Variants in FSD1L observed in about 807,000 individuals in gnomAD.
FSD1L encodes FSD1-like protein.
A neutral mutation model predicts 71.6 loss-of-function variants in FSD1L; 45 were observed. The ratio of observed to expected loss-of-function variants is 0.63; its 90% CI spans 0.49 to 0.81. The LOEUF (loss-of-function observed/expected upper bound fraction) is 0.81. Ranked by LOEUF, FSD1L falls within the 30% of genes least tolerant of loss-of-function variation. FSD1L has a pLI of 0.00. For missense variants in FSD1L, 561 were observed against 618.1 expected (o/e 0.91, Z 0.98); for synonymous variants, 197 against 207.2 (o/e 0.95, Z 0.42).
chr9:105,496,846 C>T (rs1833442052), intron 7 of FSD1L, among the ~76,000 whole-genome samples: 2 of 152,110 alleles, frequency 1.3e-5, no homozygotes, highest in South Asian at 4.1e-4. Flanking sequence ...TTCTTTCTTC[C>T]CAACCTGAAT....
At chr9:105,500,723 C>T (rs1833711886) in intron 7 of FSD1L, 1 of 152,128 alleles carries the variant, frequency 6.6e-6, no homozygotes, top group Non-Finnish European at 1.5e-5. Context: ...GACTGGGTCT[C>T]CTTGGAGCTG....
chr9:105,496,962 G>T (rs1293416350), intron 7 of FSD1L, among the ~76,000 whole-genome samples: 1 of 152,162 alleles, frequency 6.6e-6, no homozygotes, highest in African/African-American at 2.4e-5. Context: ...GAAACATTTT[G>T]AGTTTCTCTC....
intron 13 of FSD1L, among the ~76,000 whole-genome samples, chr9:105,545,642 G>A (rs921125083): frequency 2.0e-5 from 3 of 151,910 alleles, no homozygotes; most frequent in South Asian, 2.1e-4. Flanking sequence ...AAGGGCTGTC[G>A]AATTTTGGTA....
intron 3 of FSD1L, 144 bp downstream of exon 3, chr9:105,464,475 T>C (rs1830925398): frequency 4.2e-6 from 2 of 473,714 alleles, no homozygotes; most frequent in South Asian, 4.3e-5. Context: ...AAAAATGTTT[T>C]CATTGCAATT....
intron 8 of FSD1L, among the ~76,000 whole-genome samples, chr9:105,508,341 C>G (rs1309344972): frequency 6.6e-6 from 1 of 151,944 alleles, no homozygotes. Flanking sequence ...CCACGCCTGG[C>G]TAATTTTTTG....
At chr9:105,476,006 T>C (rs1433875957) in intron 5 of FSD1L, among the ~76,000 whole-genome samples, 1 of 152,112 alleles carries the variant, frequency 6.6e-6, no homozygotes, top group Non-Finnish European at 1.5e-5. Context: ...GAAATGATGA[T>C]ATTAAAAAAA....
chr9:105,491,374 C>T lies in FSD1L; in HGVS notation c.586+6872C>T, dbSNP rs1294263992. On this transcript the variant is annotated intron_variant, in intron 7 of 13. Transcript: ENST00000481272. Reference sequence around the variant, plus strand: ...GTATCCTGAGACTTTGCTGAAGGTGCTTATCAGCTTAAGGAGATTTTGGGC... The same window carrying T: ...GTATCCTGAGACTTTGCTGAAGGTGTTTATCAGCTTAAGGAGATTTTGGGC... Among the ~76,000 whole-genome samples, 6 of 151,970 alleles carry T rather than the reference C, an allele frequency of 3.9e-5. No individual in the cohort carries two copies. The East Asian group carries it at 1.2e-3, about 29-fold the overall frequency.
chr9:105,443,552 T>C (rs1025419129), upstream of FSD1L, among the ~76,000 whole-genome samples: 5 of 152,152 alleles, frequency 3.3e-5, no homozygotes, highest in African/African-American at 1.2e-4. Context: ...CTGTCTATAA[T>C]GAGTGCCCAG....
intron 10 of FSD1L, chr9:105,525,201 A>T: frequency 1.2e-6 from 2 of 1,602,916 alleles, no homozygotes; most frequent in Non-Finnish European, 1.7e-6. Context: ...TGCTTAGAAG[A>T]TATAACCGTA....
At chr9:105,445,320 G>A (rs1222823250), upstream of FSD1L, among the ~76,000 whole-genome samples, 3 of 152,158 alleles carry the variant, frequency 2.0e-5, no homozygotes, top group African/African-American at 7.2e-5. Context: ...GAAGCCAAAT[G>A]GGGTAGAGAT....
intron 12 of FSD1L, 131 bp from the exon 13 acceptor site, chr9:105,539,128 ATAAT>A (rs1244374429): frequency 7.3e-6 from 4 of 550,000 alleles, no homozygotes; most frequent in Non-Finnish European, 1.3e-5. Context: ...TCAAGTGAGA[ATAAT>A]TAATCCAGTC....
intron 10 of FSD1L, chr9:105,524,064 G>A: frequency 6.2e-7 from 1 of 1,609,686 alleles, no homozygotes; most frequent in Non-Finnish European, 8.5e-7. Flanking sequence ...AGATGTTAAG[G>A]AACTTATAAT....
intron 10 of FSD1L, chr9:105,521,827 A>C (rs1835182700): frequency 6.2e-7 from 1 of 1,612,532 alleles, no homozygotes; most frequent in East Asian, 2.2e-5. Flanking sequence ...GCTGGTACCC[A>C]GGCAGTTTTG....
At chr9:105,450,098 G>C (rs919371224) in intron 1 of FSD1L, among the ~76,000 whole-genome samples, 1 of 152,224 alleles carries the variant, frequency 6.6e-6, no homozygotes, top group African/African-American at 2.4e-5. Flanking sequence ...AACCAGTTCA[G>C]TGCTCTGAAC....
chr9:105,495,187 A>G (rs550386193), intron 7 of FSD1L, among the ~76,000 whole-genome samples: 53 of 152,292 alleles, frequency 3.5e-4, no homozygotes, highest in Admixed American at 6.5e-4. Context: ...TGTTGACCTA[A>G]GCAAGCCTGG....
At chr9:105,526,229 A>G in intron 10 of FSD1L, 8 of 1,599,514 alleles carry the variant, frequency 5.0e-6, no homozygotes, top group South Asian at 1.1e-5. Context: ...CAAAACTTCT[A>G]TGAGGAGAGA....
chr9:105,520,941 A>G, intron 10 of FSD1L: 1 of 1,611,920 alleles, frequency 6.2e-7, no homozygotes, highest in Non-Finnish European at 8.5e-7. Context: ...ATGGAAGAAC[A>G]AAGAAAACCA....
At chr9:105,523,666 C>G (rs1835325422) in intron 10 of FSD1L, 39 of 1,601,426 alleles carry the variant, frequency 2.4e-5, no homozygotes, top group Non-Finnish European at 3.2e-5. Flanking sequence ...ACCATGTTGA[C>G]TGATAAATAT....
intron 10 of FSD1L, among the ~76,000 whole-genome samples, chr9:105,534,233 G>A (rs1323381215): frequency 6.6e-6 from 1 of 151,830 alleles, no homozygotes; most frequent in African/African-American, 2.4e-5. Context: ...TATTTCAGCC[G>A]TGTATTCTTT....
Sources: gnomAD v4.1 joint callset for allele counts (sites outside exome capture counted in the v4.1 genomes callset) on GRCh38, gnomAD v4.1.1 for gene constraint, MANE v1.5 for transcripts, NCBI Gene and HGNC (gene_info 2026-07-23, HGNC 2026-07-21) for gene names.